The following FUT8 variants were observed in gnomAD, a reference collection of about 807,000 sequenced individuals.
The protein encoded by FUT8 is fucosyltransferase 8, also known as alpha-(1,6)-fucosyltransferase.
FUT8 carries 29 observed loss-of-function variants against 71.3 expected under a neutral mutation model. The ratio of observed to expected loss-of-function variants is 0.41; its 90% CI spans 0.30 to 0.55. The LOEUF is 0.55. Among genes scored for constraint, FUT8 ranks in the 20% least tolerant of loss-of-function variants. The probability of loss-of-function intolerance (pLI) is 0.34; values close to 1 mark genes in which losing one functional copy is unlikely to be tolerated. For synonymous variants in FUT8, 254 were observed against 239.3 expected (o/e 1.06, Z -0.57); for missense variants, 544 against 702.1 (o/e 0.77, Z 2.55).
intron 1 of FUT8, among the ~76,000 whole-genome samples, chr14:65,450,158 T>C (rs2065800811): frequency 6.6e-6 from 1 of 152,318 alleles, no homozygotes; most frequent in South Asian, 2.1e-4. Flanking sequence ...ATTTGCTGTT[T>C]TTCTTTCCTC....
intron 2 of FUT8, among the ~76,000 whole-genome samples, chr14:65,531,054 C>G (rs1410038918): frequency 6.6e-6 from 1 of 150,464 alleles, no homozygotes; most frequent in Non-Finnish European, 1.5e-5. Context: ...TTTACTACTT[C>G]TTACTCTTTC....
At chr14:65,452,171 A>G (rs2065837622) in intron 1 of FUT8, among the ~76,000 whole-genome samples, 1 of 152,216 alleles carries the variant, frequency 6.6e-6, no homozygotes, top group African/African-American at 2.4e-5. Context: ...TTATTGACAT[A>G]TAAGTGGTAT....
chr14:65,429,399 A>G (rs2065435094), intron 1 of FUT8, among the ~76,000 whole-genome samples: 1 of 152,230 alleles, frequency 6.6e-6, no homozygotes, highest in East Asian at 1.9e-4. Context: ...TGATGGTGTC[A>G]TTACAGCGGC....
chr14:65,469,119 A>G (rs2066095311), intron 2 of FUT8, among the ~76,000 whole-genome samples: 1 of 152,168 alleles, frequency 6.6e-6, no homozygotes. Flanking sequence ...GTTCAAGGCT[A>G]CAGTGCGCTG....
At chr14:65,687,813 A>G (rs1286548139) in intron 7 of FUT8, among the ~76,000 whole-genome samples, 1 of 149,486 alleles carries the variant, frequency 6.7e-6, no homozygotes, top group Admixed American at 6.7e-5. Context: ...AGCTCACTGC[A>G]GCCTTGAACT....
chr14:65,728,578 A>G (rs1298658964), intron 9 of FUT8, among the ~76,000 whole-genome samples: 1 of 152,246 alleles, frequency 6.6e-6, no homozygotes, highest in Non-Finnish European at 1.5e-5. Context: ...TCATTTTCTA[A>G]TACAGTCATG....
the FUT8 span, among the ~76,000 whole-genome samples, chr14:65,373,542 C>CT: frequency 0.012 from 1,860 of 152,148 alleles, 16 homozygotes; most frequent in Middle Eastern, 0.024. Context: ...CTAGACACTG[C>CT]TGTGGCGCCA....
chr14:65,684,569 A>G (rs771143884), intron 7 of FUT8, among the ~76,000 whole-genome samples: 3 of 152,184 alleles, frequency 2.0e-5, no homozygotes, highest in Non-Finnish European at 4.4e-5. Flanking sequence ...TTTTAAAGCT[A>G]TTGCTTTGAT....
At chr14:65,562,888 A>ATGC (rs777775359) in intron 3 of FUT8, among the ~76,000 whole-genome samples, 1 of 152,036 alleles carries the variant, frequency 6.6e-6, no homozygotes, top group Non-Finnish European at 1.5e-5. Context: ...ATTACCCTTG[A>ATGC]TGCTATAGAG....
intron 3 of FUT8, among the ~76,000 whole-genome samples, chr14:65,572,679 C>G (rs1886546342): frequency 6.6e-6 from 1 of 152,100 alleles, no homozygotes; most frequent in South Asian, 2.1e-4. Flanking sequence ...TATCATTAAG[C>G]AGACTTAGCA....
intron 2 of FUT8, among the ~76,000 whole-genome samples, chr14:65,537,342 T>TG (rs1449875596): frequency 1.3e-5 from 2 of 151,768 alleles, no homozygotes; most frequent in East Asian, 1.9e-4. Context: ...TTTGAGTTGT[T>TG]GGAGTTTTTA....
intron 2 of FUT8, among the ~76,000 whole-genome samples, chr14:65,508,491 G>GTTTTTTT (rs34809476): frequency 1.1e-4 from 5 of 46,498 alleles, no homozygotes; most frequent in Admixed American, 3.2e-4. Context: ...AGTTGTTTGA[G>GTTTTTTT]TTTTTTTTTT....
chr14:65,482,968 C>T (rs994577222), intron 2 of FUT8, among the ~76,000 whole-genome samples: 36 of 152,174 alleles, frequency 2.4e-4, no homozygotes, highest in African/African-American at 7.5e-4. Context: ...CATGTTTTCA[C>T]CATTATCAGG....
chr14:65,692,361 A>C (rs541222143), intron 7 of FUT8, among the ~76,000 whole-genome samples: 1 of 100,340 alleles, frequency 1.0e-5, no homozygotes, highest in African/African-American at 4.1e-5. Context: ...CGGGGGGCTG[A>C]CCCCCCCACC....
the FUT8 span, among the ~76,000 whole-genome samples, chr14:65,393,076 G>A: frequency 6.6e-6 from 1 of 152,138 alleles, no homozygotes; most frequent in African/African-American, 2.4e-5. Context: ...TTTGTGATAA[G>A]GTGGGTGCTA....
chr14:65,682,344 A>G (rs1404261550), intron 7 of FUT8, among the ~76,000 whole-genome samples: 1 of 152,188 alleles, frequency 6.6e-6, no homozygotes, highest in Non-Finnish European at 1.5e-5. Flanking sequence ...TCTTAAAAAT[A>G]AAATTTTTTT....
chr14:65,693,131 G>T lies in FUT8; in HGVS notation c.835+23651G>T, dbSNP rs75221510. ...GCGGCCAGGCAGAGGCTGCAATCTCGGCACTTTGGGAGGCCAAGGCAGGCG... is the reference window on the plus strand; with the variant it reads ...GCGGCCAGGCAGAGGCTGCAATCTCTGCACTTTGGGAGGCCAAGGCAGGCG... On this transcript the variant is annotated intron_variant, in intron 7 of 10. Transcript: ENST00000673929. Among the ~76,000 whole-genome samples the T allele has an allele frequency of 5.8e-3, 882 of 152,280 alleles. 32 individuals carry two copies. The East Asian group carries it at 0.094, about 16-fold the overall frequency.
intron 7 of FUT8, among the ~76,000 whole-genome samples, chr14:65,688,670 A>G (rs931654878): frequency 1.3e-5 from 2 of 152,052 alleles, no homozygotes; most frequent in Admixed American, 1.3e-4. Flanking sequence ...TAATGTAAAT[A>G]TTTGTGTGCA....
chr14:65,363,358 T>A, the FUT8 span, among the ~76,000 whole-genome samples: 1 of 151,542 alleles, frequency 6.6e-6, no homozygotes, highest in African/African-American at 2.4e-5. Context: ...TGACCTCAGG[T>A]GATCCACTGG....
Sources: allele counts gnomAD v4.1 joint callset (sites outside exome capture counted in the v4.1 genomes callset), GRCh38; gene constraint gnomAD v4.1.1; transcripts MANE v1.5; gene names NCBI Gene and HGNC (gene_info 2026-07-23, HGNC 2026-07-21).